The following APBA1 variants were observed in gnomAD, a reference collection of about 807,000 sequenced individuals.
APBA1 encodes the protein amyloid beta precursor protein binding family A member 1, also known as amyloid-beta A4 precursor protein-binding family A member 1.
Under a neutral mutation model 86.6 loss-of-function variants are expected in APBA1, and 55 were observed. The ratio of observed to expected loss-of-function variants is 0.64; its 90% CI spans 0.51 to 0.80. The LOEUF (loss-of-function observed/expected upper bound fraction) is 0.80. APBA1 is among the 30% of genes least tolerant of loss of function. The pLI, the probability that APBA1 is intolerant of heterozygous loss-of-function variation, is 0.00. For synonymous variants in APBA1, 511 were observed against 493.9 expected, an observed-to-expected ratio of 1.03 and a Z score of -0.46; for missense variants, 1,090 against 1,183.0, an observed-to-expected ratio of 0.92 and a Z score of 1.15.
chr9:69,588,729 G>A (rs112211149), intron 1 of APBA1, among the ~76,000 whole-genome samples: 5 of 152,204 alleles, frequency 3.3e-5, no homozygotes, highest in African/African-American at 1.2e-4. Context: ...AACTGAGTAC[G>A]TATCATATGG....
At chr9:69,620,342 C>T (rs1266828943) in intron 1 of APBA1, among the ~76,000 whole-genome samples, 1 of 152,210 alleles carries the variant, frequency 6.6e-6, no homozygotes, top group African/African-American at 2.4e-5. Flanking sequence ...TTGTGGCCAG[C>T]ATGCCAGTGA....
intron 1 of APBA1, among the ~76,000 whole-genome samples, chr9:69,617,995 G>A (rs1156965911): frequency 2.6e-5 from 4 of 152,112 alleles, no homozygotes; most frequent in African/African-American, 9.7e-5. Context: ...TAACCTAAGA[G>A]CAGCAAATAC....
At chr9:69,459,471 A>G (rs745640203) in intron 5 of APBA1, among the ~76,000 whole-genome samples, 1 of 152,256 alleles carries the variant, frequency 6.6e-6, no homozygotes, top group Non-Finnish European at 1.5e-5. Flanking sequence ...TATAAGGTGC[A>G]CACACAGGTA....
At chr9:69,580,064 T>C (rs888782137) in intron 1 of APBA1, among the ~76,000 whole-genome samples, 1 of 152,158 alleles carries the variant, frequency 6.6e-6, no homozygotes, top group African/African-American at 2.4e-5. Flanking sequence ...CAACAGATGT[T>C]TACTGGGCAG....
In APBA1 at chr9:69,449,749, C is replaced by T. The variant is rs770246888; in HGVS notation, c.2016G>A (p.Val672=). The part of the protein sequence containing the change: ...QKGEILGVVI[V]ESGWGSILPT... ...GGAGGATGGATCCCCAGCCAGACTC[C>T]ACAATCACCACACCTAGGATTTCTC... is the stretch of plus-strand genomic sequence containing the variant. The change falls in exon 10 of 13, where the codon GTG becomes GTA. Residue 672 remains valine, a synonymous_variant. Transcript: ENST00000265381. The T allele has an allele frequency of 6.8e-6, 11 of 1,613,980 alleles. No homozygotes were observed. In the South Asian group the frequency reaches 8.8e-5, roughly 13 times the overall value.
chr9:69,498,910 G>A (rs574335268), intron 2 of APBA1, among the ~76,000 whole-genome samples: 7 of 152,174 alleles, frequency 4.6e-5, no homozygotes, highest in Admixed American at 1.3e-4. Flanking sequence ...CATGGCAGAC[G>A]GTTGAGAACA....
intron 1 of APBA1, among the ~76,000 whole-genome samples, chr9:69,583,281 C>G (rs892952897): frequency 4.6e-5 from 7 of 152,204 alleles, no homozygotes; most frequent in African/African-American, 1.7e-4. Context: ...CAGCCCACCA[C>G]CACTGGACTC....
chr9:69,443,103 G>C (rs971865694), intron 10 of APBA1, among the ~76,000 whole-genome samples: 2 of 152,110 alleles, frequency 1.3e-5, no homozygotes, highest in African/African-American at 2.4e-5. Context: ...TTGGCCAGCA[G>C]GTGTACACCA....
chr9:69,554,307 G>C (rs374785591), intron 1 of APBA1, among the ~76,000 whole-genome samples: 1 of 152,162 alleles, frequency 6.6e-6, no homozygotes, highest in Non-Finnish European at 1.5e-5. Context: ...AGTAAATTAA[G>C]AGTAAATTAA....
intron 1 of APBA1, among the ~76,000 whole-genome samples, chr9:69,643,429 A>G (rs1034179405): frequency 3.3e-5 from 5 of 152,190 alleles, no homozygotes; most frequent in African/African-American, 1.2e-4. Context: ...TGGATAATAT[A>G]TAGAATTCAA....
chr9:69,637,040 T>C (rs1158772291), intron 1 of APBA1, among the ~76,000 whole-genome samples: 1 of 151,944 alleles, frequency 6.6e-6, no homozygotes, highest in African/African-American at 2.4e-5. Context: ...AAGAATGAGA[T>C]CCTAAATGAA....
intron 2 of APBA1, among the ~76,000 whole-genome samples, chr9:69,505,908 A>G (rs564084566): frequency 6.6e-6 from 1 of 152,140 alleles, no homozygotes; most frequent in East Asian, 1.9e-4. Context: ...AGTCCCAGCT[A>G]CTTGGGAGGC....
At chr9:69,660,274 T>C (rs1823725493) in intron 1 of APBA1, among the ~76,000 whole-genome samples, 1 of 152,196 alleles carries the variant, frequency 6.6e-6, no homozygotes. Flanking sequence ...AATACAAAGA[T>C]AAAGTACATT....
In APBA1 at chr9:69,428,861, A is replaced by G. The variant is rs958741708; in HGVS notation, c.*2466T>C. 8.5e-5 allele frequency: 13 copies of G among 152,220 alleles called. No homozygotes were observed. The highest frequency in any genetic ancestry group is 3.1e-4 in the African/African-American group (13 of 41,466). 9.4% of individuals were successfully genotyped at this position (152,220 alleles called of 1,614,324 possible). On this transcript the variant is annotated 3_prime_UTR_variant, in exon 13 of 13. Transcript: ENST00000265381. Reference sequence around the variant, plus strand: ...AGCAACTTCCACTCACTGGGTGTGAAGACACACCTGGATTAACACAAAAGA... The same window carrying G: ...AGCAACTTCCACTCACTGGGTGTGAGGACACACCTGGATTAACACAAAAGA...
In APBA1 at chr9:69,516,783, C is replaced by T. The variant is rs1327466523; in HGVS notation, c.428G>A (p.Arg143His). 3.1e-6 allele frequency: 5 copies of T among 1,610,632 alleles called. No homozygotes were observed. The Admixed American group carries it at 6.7e-5, about 22-fold the overall frequency. Reference protein sequence around the residue: ...AEAEHAEATHRRALPNHLHFH... With the variant: ...AEAEHAEATHHRALPNHLHFH... ...GTGCAGGTGGTTGGGCAGCGCGCGG[C>T]GGTGCGTGGCCTCGGCGTGCTCGGC... The change falls in exon 2 of 13, where the codon CGC (arginine) becomes CAC (histidine). Residue 143 changes from arginine (R) to histidine (H), a missense_variant. Physicochemically the swap from Arg to His is conservative, Grantham distance 29. Coordinates refer to ENST00000265381, the MANE Select transcript of APBA1 (RefSeq NM_001163.4). The surrounding 1 kb of genome is among the most constrained non-coding windows in gnomAD (Gnocchi z 7.3).
chr9:69,600,416 C>G (rs1167290492), intron 1 of APBA1, among the ~76,000 whole-genome samples: 1 of 152,174 alleles, frequency 6.6e-6, no homozygotes, highest in Non-Finnish European at 1.5e-5. Flanking sequence ...AGCAGAAGCT[C>G]TTTATGAGAA....
At chr9:69,569,450 TG>T (rs1837081006) in intron 1 of APBA1, among the ~76,000 whole-genome samples, 2 of 754 alleles carry the variant, frequency 2.7e-3, no homozygotes, top group Non-Finnish European at 0.016. Context: ...CACGTGTGAG[TG>T]TGTGTGTGTG....
chr9:69,659,337 G>A lies in APBA1; in HGVS notation c.-70+12816C>T, dbSNP rs539388183. Among the ~76,000 whole-genome samples, 15 of 152,280 alleles carry A rather than the reference G, an allele frequency of 9.9e-5. No homozygotes were observed. The South Asian group carries it at 3.1e-3, about 32-fold the overall frequency. ...ATAGGAGAGGGAAAAATTAAACTCA[G>A]AAAGAGTAAAAGATTCACTGTACAG... On this transcript the variant is annotated intron_variant, in intron 1 of 12. Transcript: ENST00000265381.
chr9:69,513,765 C>T (rs1373199887), intron 2 of APBA1, among the ~76,000 whole-genome samples: 1 of 152,156 alleles, frequency 6.6e-6, no homozygotes, highest in Non-Finnish European at 1.5e-5. Context: ...GCTGACTATT[C>T]CTTAAAGAGG....
Sources: gnomAD v4.1 joint callset for allele counts (sites outside exome capture counted in the v4.1 genomes callset) on GRCh38, gnomAD v4.1.1 for gene constraint, Gnocchi (gnomAD v3.1) non-coding constraint, MANE v1.5 for transcripts, NCBI Gene and HGNC (gene_info 2026-07-23, HGNC 2026-07-21) for gene names.